TSHZ2: variants seen among roughly 807,000 people sequenced by gnomAD.
The protein encoded by TSHZ2 is teashirt zinc finger homeobox 2.
Under a neutral mutation model 74.4 loss-of-function variants are expected in TSHZ2, and 21 were observed. The ratio of observed to expected loss-of-function variants is 0.28; its 90% CI spans 0.20 to 0.41. TSHZ2 has a LOEUF of 0.41. Ranked by LOEUF, TSHZ2 falls within the 10% of genes least tolerant of loss-of-function variation. TSHZ2 has a pLI of 1.00. For missense variants in TSHZ2, 1,244 were observed against 1,293.5 expected (o/e 0.96, Z 0.59); for synonymous variants, 540 against 515.3 (o/e 1.05, Z -0.65).
At chr20:53,240,184 A>C (rs1210249824) in intron 1 of TSHZ2, among the ~76,000 whole-genome samples, 1 of 152,122 alleles carries the variant, frequency 6.6e-6, no homozygotes, top group Non-Finnish European at 1.5e-5. Context: ...AATGGTAAAA[A>C]CCCTTACTTT....
At chr20:53,369,455 T>G (rs1981388181) in intron 2 of TSHZ2, among the ~76,000 whole-genome samples, 1 of 151,586 alleles carries the variant, frequency 6.6e-6, no homozygotes. Flanking sequence ...GCCTGTAATC[T>G]CAGCACCTCG....
chr20:53,259,534 TA>T (rs1990558522), intron 2 of TSHZ2, among the ~76,000 whole-genome samples: 1 of 152,228 alleles, frequency 6.6e-6, no homozygotes, highest in African/African-American at 2.4e-5. Context: ...CTGAAATGCA[TA>T]AAGGCTTGAA....
At chr20:53,301,205 A>G (rs1380300779) in intron 2 of TSHZ2, among the ~76,000 whole-genome samples, 1 of 152,016 alleles carries the variant, frequency 6.6e-6, no homozygotes, top group Admixed American at 6.6e-5. Context: ...TGATCCTCCC[A>G]CCTCAGCCTC....
chr20:53,321,976 T>C lies in TSHZ2; in HGVS notation c.*8+65405T>C, dbSNP rs1979288242. Among the ~76,000 whole-genome samples, 5 of 152,226 alleles carry C rather than the reference T, an allele frequency of 3.3e-5. No homozygotes were observed. The South Asian group carries it at 1.0e-3, about 32-fold the overall frequency. On this transcript the variant is annotated intron_variant, in intron 2 of 2. Transcript: ENST00000371497. ...GCTTTTTTTCATTAACTGGCTTAAG[T>C]CATGTCACAGAGACAGGTGGTAAAA...
chr20:53,244,832 G>A (rs560403871), intron 1 of TSHZ2, among the ~76,000 whole-genome samples: 4 of 152,142 alleles, frequency 2.6e-5, no homozygotes, highest in East Asian at 1.9e-4. Context: ...GGAAGTTCCC[G>A]GCACACATAC....
intron 2 of TSHZ2, among the ~76,000 whole-genome samples, chr20:53,286,305 C>T (rs903507781): frequency 6.6e-6 from 1 of 152,150 alleles, no homozygotes; most frequent in Non-Finnish European, 1.5e-5. Context: ...TGAGGCAACA[C>T]AAGACTTTAC....
chr20:53,147,046 G>A (rs1293488940), intron 1 of TSHZ2, among the ~76,000 whole-genome samples: 3 of 152,164 alleles, frequency 2.0e-5, no homozygotes, highest in Non-Finnish European at 2.9e-5. Flanking sequence ...ATTCATTGAT[G>A]TCTTCTTCTT....
intron 2 of TSHZ2, among the ~76,000 whole-genome samples, chr20:53,382,313 C>T (rs1981889149): frequency 6.6e-6 from 1 of 152,182 alleles, no homozygotes; most frequent in Non-Finnish European, 1.5e-5. Context: ...GGAAATGTTC[C>T]TCCGAATCTG....
chr20:53,041,305 A>G (rs555417798), intron 1 of TSHZ2, among the ~76,000 whole-genome samples: 1 of 152,340 alleles, frequency 6.6e-6, no homozygotes, highest in East Asian at 1.9e-4. Context: ...GGAAACTTCT[A>G]TTCTCAGGAC....
At chr20:53,331,828 G>A (rs1361996667) in intron 2 of TSHZ2, among the ~76,000 whole-genome samples, 2 of 152,060 alleles carry the variant, frequency 1.3e-5, no homozygotes, top group Non-Finnish European at 2.9e-5. Context: ...TCCTGGTGGC[G>A]GCAGAGCTCT....
chr20:53,314,847 C>T (rs983179123), intron 2 of TSHZ2, among the ~76,000 whole-genome samples: 4 of 152,136 alleles, frequency 2.6e-5, no homozygotes, highest in Admixed American at 1.3e-4. Flanking sequence ...GTCTTGAACT[C>T]CTGACCTCAA....
intron 2 of TSHZ2, among the ~76,000 whole-genome samples, chr20:53,286,969 C>G (rs1004183924): frequency 9.9e-5 from 15 of 151,400 alleles, no homozygotes; most frequent in African/African-American, 3.4e-4. Context: ...ACCAAGGATG[C>G]CAGACCAGGA....
chr20:53,236,689 A>T (rs1204701689), intron 1 of TSHZ2, among the ~76,000 whole-genome samples: 1 of 152,242 alleles, frequency 6.6e-6, no homozygotes, highest in Non-Finnish European at 1.5e-5. Flanking sequence ...TGGGTTATTT[A>T]TAAAGGAAAG....
At chr20:53,438,914 C>T (rs574170623) in intron 2 of TSHZ2, among the ~76,000 whole-genome samples, 5 of 152,184 alleles carry the variant, frequency 3.3e-5, no homozygotes, top group Middle Eastern at 3.4e-3. Context: ...GAGCTGAGAT[C>T]GCGCCATTGC....
intron 1 of TSHZ2, among the ~76,000 whole-genome samples, chr20:53,229,021 G>C (rs1399509157): frequency 6.6e-6 from 1 of 152,172 alleles, no homozygotes; most frequent in African/African-American, 2.4e-5. Flanking sequence ...ATACTCGGGA[G>C]TCAACACACT....
At chr20:53,190,895 G>A (rs1988720638) in intron 1 of TSHZ2, among the ~76,000 whole-genome samples, 2 of 152,160 alleles carry the variant, frequency 1.3e-5, no homozygotes, top group Admixed American at 6.5e-5. Flanking sequence ...TGTTTCCATG[G>A]GTGTAGCAGG....
intron 2 of TSHZ2, among the ~76,000 whole-genome samples, chr20:53,473,672 G>A (rs1162772650): frequency 2.0e-5 from 3 of 151,570 alleles, no homozygotes; most frequent in Non-Finnish European, 4.4e-5. Context: ...ACTTTGACGA[G>A]CTGAGAGAAA....
chr20:53,434,213 A>G (rs928766616), intron 2 of TSHZ2, among the ~76,000 whole-genome samples: 1 of 152,162 alleles, frequency 6.6e-6, no homozygotes. Flanking sequence ...TACTGCTACT[A>G]CCACCACCAC....
At chr20:53,383,560 G>C (rs1981935033) in intron 2 of TSHZ2, among the ~76,000 whole-genome samples, 1 of 152,094 alleles carries the variant, frequency 6.6e-6, no homozygotes, top group Non-Finnish European at 1.5e-5. Flanking sequence ...ATGAAATCAA[G>C]ACCAGCCTGG....
Sources: gnomAD v4.1 joint callset for allele counts (sites outside exome capture counted in the v4.1 genomes callset) on GRCh38, gnomAD v4.1.1 for gene constraint, MANE v1.5 for transcripts, NCBI Gene and HGNC (gene_info 2026-07-23, HGNC 2026-07-21) for gene names.